Variants in ITGA1 observed in about 807,000 individuals in gnomAD.
The protein encoded by ITGA1 is integrin subunit alpha 1, also known as integrin alpha-1.
In ITGA1, 85 loss-of-function variants were observed where a neutral mutation model predicts 145.9. That is an observed-to-expected ratio of 0.58 (90% CI 0.49 to 0.70). The LOEUF (loss-of-function observed/expected upper bound fraction) is 0.70. Ranked by LOEUF, ITGA1 falls within the 30% of genes least tolerant of loss-of-function variation. The pLI, the probability that ITGA1 is intolerant of heterozygous loss-of-function variation, is 0.00. For missense variants in ITGA1, 1,351 were observed against 1,418.7 expected (o/e 0.95, Z 0.77); for synonymous variants, 520 against 495.3 (o/e 1.05, Z -0.66).
Position 52,909,958 on chromosome 5 carries a change from A to C in ITGA1, c.1600-204A>C, listed in dbSNP as rs544031491. On this transcript the variant is annotated intron_variant, in intron 13 of 28. Transcript: ENST00000282588. ...ATTGCATTAAAAAGAGATTCCATTA[A>C]AGTATGTCTCCCACACTTCTACCAT... Among the ~76,000 whole-genome samples, 17 of 152,174 alleles carry C rather than the reference A, an allele frequency of 1.1e-4. No individual in the cohort carries two copies. In the South Asian group the frequency reaches 3.3e-3, roughly 30 times the overall value.
intron 1 of ITGA1, among the ~76,000 whole-genome samples, chr5:52,833,233 T>C (rs1325542238): frequency 6.6e-6 from 1 of 151,910 alleles, no homozygotes; most frequent in African/African-American, 2.4e-5. Context: ...TACCTGTGTG[T>C]ACTACAATTT....
intron 1 of ITGA1, among the ~76,000 whole-genome samples, chr5:52,843,110 T>C (rs1749282326): frequency 6.6e-6 from 1 of 152,170 alleles, no homozygotes; most frequent in African/African-American, 2.4e-5. Flanking sequence ...ATAATATAGA[T>C]GAAAAGATTA....
chr5:52,804,339 A>C (rs992387739), intron 1 of ITGA1, among the ~76,000 whole-genome samples: 1 of 152,232 alleles, frequency 6.6e-6, no homozygotes, highest in African/African-American at 2.4e-5. Context: ...ATAAGTGAGA[A>C]GCTTGCACAT....
At chr5:52,792,236 T>C (rs1474028654) in intron 1 of ITGA1, among the ~76,000 whole-genome samples, 1 of 152,196 alleles carries the variant, frequency 6.6e-6, no homozygotes, top group Non-Finnish European at 1.5e-5. Context: ...AGATTTCCTA[T>C]TCAAAATGAA....
chr5:52,928,601 C>A (rs796892694), intron 20 of ITGA1, among the ~76,000 whole-genome samples: 4 of 152,262 alleles, frequency 2.6e-5, no homozygotes, highest in Non-Finnish European at 5.9e-5. Flanking sequence ...TCCTCAACAG[C>A]CTTTCTCCCA....
intron 1 of ITGA1, among the ~76,000 whole-genome samples, chr5:52,807,644 C>A (rs368329698): frequency 6.6e-6 from 1 of 151,988 alleles, no homozygotes; most frequent in African/African-American, 2.4e-5. Flanking sequence ...TGTTTTTATT[C>A]TATTATTTTG....
At chr5:52,944,453 G>A (rs1027337663) in intron 26 of ITGA1, among the ~76,000 whole-genome samples, 18 of 152,036 alleles carry the variant, frequency 1.2e-4, no homozygotes, top group Non-Finnish European at 2.5e-4. Flanking sequence ...ACACACTTGC[G>A]GTGTTTTCTC....
At chr5:52,911,233 A>G (rs1750518215) in intron 14 of ITGA1, among the ~76,000 whole-genome samples, 1 of 136,174 alleles carries the variant, frequency 7.3e-6, no homozygotes, top group Admixed American at 7.7e-5. Flanking sequence ...TAGTATATGT[A>G]GTGTATATAT....
chr5:52,812,789 C>CTTTTTT (rs61600951), intron 1 of ITGA1, among the ~76,000 whole-genome samples: 1 of 86,114 alleles, frequency 1.2e-5, no homozygotes. Context: ...CTTCTTATCG[C>CTTTTTT]TTTTTTTTTT....
chr5:52,919,031 C>A (rs2111869818), intron 16 of ITGA1, 133 bp downstream of exon 16: 4 of 745,384 alleles, frequency 5.4e-6, no homozygotes, highest in African/African-American at 1.8e-5. Flanking sequence ...AGTGAAGATG[C>A]AGAACCTTGA....
intron 26 of ITGA1, 143 bp from the exon 27 acceptor site, chr5:52,944,800 C>T (rs1751109129): frequency 1.7e-6 from 1 of 585,870 alleles, no homozygotes; most frequent in South Asian, 2.3e-5. Context: ...TTTGATACTA[C>T]CAGTTCCATT....
chr5:52,898,215 T>C (rs546096258), intron 10 of ITGA1, 24 bp from the exon 11 acceptor site: 3 of 1,411,186 alleles, frequency 2.1e-6, no homozygotes, highest in East Asian at 5.1e-5. Flanking sequence ...TTAAATATTA[T>C]TATCTTATTT....
chr5:52,909,992 T>G (rs965152906), intron 13 of ITGA1, among the ~76,000 whole-genome samples, 170 bp from the exon 14 acceptor site: 3 of 152,166 alleles, frequency 2.0e-5, no homozygotes, highest in African/African-American at 7.2e-5. Context: ...ATCTGCTCTT[T>G]GGAATCCCTA....
chr5:52,914,597 CAA>C (rs34589797), intron 14 of ITGA1, among the ~76,000 whole-genome samples: 4 of 141,896 alleles, frequency 2.8e-5, no homozygotes, highest in African/African-American at 5.3e-5. Flanking sequence ...GATAGCGTCT[CAA>C]AAAAAAAAAG....
At chr5:52,924,579 C>T (rs978225982) in intron 18 of ITGA1, among the ~76,000 whole-genome samples, 2 of 152,190 alleles carry the variant, frequency 1.3e-5, no homozygotes, top group Non-Finnish European at 2.9e-5. Flanking sequence ...CAGTGCAGTG[C>T]TTTTGAAGGT....
chr5:52,880,280 C>T (rs1749937273), intron 6 of ITGA1, among the ~76,000 whole-genome samples: 1 of 151,992 alleles, frequency 6.6e-6, no homozygotes, highest in Non-Finnish European at 1.5e-5. Flanking sequence ...TATCATGTTT[C>T]TGTTATTATA....
rs143399343 is a variant in ITGA1, at chr5:52,885,865, G to A, written c.774-1950G>A. 2.0e-5 allele frequency among the ~76,000 whole-genome samples: 3 copies of A among 152,308 alleles called. No homozygotes were observed. In the East Asian group the frequency reaches 5.8e-4, roughly 29 times the overall value. ...TTAGTTGCAGTTTCTAATTGGTAATGTTTAAGTTTTGTTTTACTGTTTACA... is the reference window on the plus strand; with the variant it reads ...TTAGTTGCAGTTTCTAATTGGTAATATTTAAGTTTTGTTTTACTGTTTACA... On this transcript the variant is annotated intron_variant, in intron 7 of 28. Coordinates refer to ENST00000282588, the MANE Select transcript of ITGA1 (RefSeq NM_181501.2).
intron 1 of ITGA1, among the ~76,000 whole-genome samples, chr5:52,838,983 G>C (rs1243118228): frequency 6.6e-6 from 1 of 152,142 alleles, no homozygotes; most frequent in African/African-American, 2.4e-5. Context: ...TCTGGTCTTA[G>C]CTACTTGGGA....
chr5:52,867,010 ATCTTC>A (rs1749697578), intron 6 of ITGA1: 5 of 148,318 alleles, frequency 3.4e-5, no homozygotes, highest in Non-Finnish European at 7.4e-5. Flanking sequence ...CAATACAGTG[ATCTTC>A]CTTTTTTTTT....
Sources: allele counts gnomAD v4.1 joint callset (sites outside exome capture counted in the v4.1 genomes callset), GRCh38; gene constraint gnomAD v4.1.1; transcripts MANE v1.5; gene names NCBI Gene and HGNC (gene_info 2026-07-23, HGNC 2026-07-21).